The following HMGCL variants were observed in gnomAD, a reference collection of about 807,000 sequenced individuals.
HMGCL encodes hydroxymethylglutaryl-CoA lyase, mitochondrial.
A neutral mutation model predicts 37.3 loss-of-function variants in HMGCL; 26 were observed. That is an observed-to-expected ratio of 0.70 (90% CI 0.51 to 0.97). HMGCL has a LOEUF of 0.97. Ranked by LOEUF, HMGCL falls within the 50% of genes least tolerant of loss-of-function variation. HMGCL has a pLI of 0.00. For missense variants in HMGCL, 379 were observed against 398.1 expected, an observed-to-expected ratio of 0.95 and a Z score of 0.41; for synonymous variants, 151 against 148.0, an observed-to-expected ratio of 1.02 and a Z score of -0.15.
rs752330683 is a variant in HMGCL, at chr1:23,807,154, C to T, written c.750+981G>A. On this transcript the variant is annotated intron_variant, in intron 7 of 8. Transcript: ENST00000374490. Reference sequence around the variant, plus strand: ...GGATGAAGTTTTGCCTCAGACTCACCTCAGCTGTGCAGAATTCCCCTTTAC... The same window carrying T: ...GGATGAAGTTTTGCCTCAGACTCACTTCAGCTGTGCAGAATTCCCCTTTAC... 3 of 519,050 alleles carry T rather than the reference C, an allele frequency of 5.8e-6. No homozygotes were observed. In the Admixed American group the frequency reaches 5.8e-5, roughly 10 times the overall value. The allele number at this position is 519,050 out of a possible 1,614,324, so 32.2% of individuals were successfully genotyped here.
rs369514739 is a variant in HMGCL, at chr1:23,802,174, C to A, written c.*289G>T. ...CTCAAGGATCATGCTAAGTAGGGAACGGGGTTCCCACACGTCCTCAGGCAT... is the reference window on the plus strand; with the variant it reads ...CTCAAGGATCATGCTAAGTAGGGAAAGGGGTTCCCACACGTCCTCAGGCAT... On this transcript the variant is annotated 3_prime_UTR_variant, in exon 9 of 9. Transcript: ENST00000374490. 535 of 593,222 alleles carry A rather than the reference C, an allele frequency of 9.0e-4. 4 individuals are homozygous for A. In the South Asian group the frequency reaches 9.8e-3, roughly 11 times the overall value. 36.7% of individuals were successfully genotyped at this position (593,222 alleles called of 1,614,324 possible). A position where few individuals can be genotyped will look rare whatever the true frequency, so the allele number is the denominator to read the frequency against.
chr1:23,812,829 T>C (rs571920149), intron 5 of HMGCL, among the ~76,000 whole-genome samples: 1 of 152,280 alleles, frequency 6.6e-6, no homozygotes, highest in Non-Finnish European at 1.5e-5. Flanking sequence ...CTGCACTTGA[T>C]TAGTCACTGA....
In HMGCL at chr1:23,825,396, G is replaced by A. The variant is rs754437215; in HGVS notation, c.20C>T (p.Ala7Val). ...CAAGCCCACCAGTCGCCGCGGAAGC[G>A]CCTTCCTCATTGCTGCCATCTTGGC... MAAMRK[A>V]LPRRLVGLAS... is the part of the protein sequence containing the mutation. Residue 7 changes from alanine (A) to valine (V), a missense_variant, in exon 1 of 9, where the codon GCG becomes GTG. Ala to Val is a moderately conservative substitution (Grantham distance 64, BLOSUM62 0). Transcript: ENST00000374490. The A allele has an allele frequency of 3.8e-6, 6 of 1,560,718 alleles. No homozygotes were observed. The Admixed American group carries it at 7.6e-5, about 20-fold the overall frequency.
At chr1:23,814,750 T>G (rs1638583289) in intron 4 of HMGCL, among the ~76,000 whole-genome samples, 1 of 152,206 alleles carries the variant, frequency 6.6e-6, no homozygotes, top group African/African-American at 2.4e-5. Context: ...GTGAATGTTA[T>G]GGGTTGAATT....
chr1:23,806,580 T>C lies in HMGCL; in HGVS notation c.750+1555A>G. 4.7e-6 allele frequency: 1 copy of C among 213,364 alleles called. No individual in the cohort carries two copies. Among genetic ancestry groups the C allele is most frequent in the Non-Finnish European group, 9.6e-6 (1 of 103,642 alleles). The allele number at this position is 213,364 out of a possible 1,614,324, so 13.2% of individuals were successfully genotyped here. On this transcript the variant is annotated intron_variant, in intron 7 of 8. Transcript: ENST00000374490. The surrounding 1 kb of genome is among the most constrained non-coding windows in gnomAD (Gnocchi z 4.0). ...CTTCCCTCAGGTCTCTCTCAAATGC[T>C]ACCTTCTGAGTGAGGCCACTCTACA...
intron 1 of HMGCL, 75 bp downstream of exon 1, chr1:23,825,281 A>T: frequency 7.9e-7 from 1 of 1,268,990 alleles, no homozygotes; most frequent in Non-Finnish European, 1.1e-6. Flanking sequence ...GAGAGCAGTC[A>T]CCACGGGCCA....
rs190619193 is a variant in HMGCL, at chr1:23,807,778, T to C, written c.750+357A>G. On this transcript the variant is annotated intron_variant, in intron 7 of 8. Transcript: ENST00000374490. ...TGCAATTCTGCCTAGTCATCTTTCC[T>C]CTTCCCTCAACAGCAGCTTACTTTA... Among the ~76,000 whole-genome samples, 25 of 152,302 alleles carry C rather than the reference T, an allele frequency of 1.6e-4. No homozygotes were observed. The East Asian group carries it at 4.8e-3, about 29-fold the overall frequency.
intron 2 of HMGCL, among the ~76,000 whole-genome samples, chr1:23,818,910 G>C (rs1199012610): frequency 1.4e-5 from 2 of 142,292 alleles, no homozygotes; most frequent in Non-Finnish European, 3.0e-5. Flanking sequence ...GGATATAGCA[G>C]TAAGCAGAAG....
At position 23,816,710 on chromosome 1, in the gene HMGCL, C is replaced by G; in HGVS notation, c.313G>C (p.Val105Leu). Residue 105 changes from valine (V) to leucine (L), a missense_variant, in exon 4 of 9, where the codon GTC becomes CTC. Physicochemically the swap from Val to Leu is conservative, Grantham distance 32. Coordinates refer to ENST00000374490, the MANE Select transcript of HMGCL (RefSeq NM_000191.3). Reference sequence around the variant, plus strand: ...AAGCCTTTCAAATTTGGGGTCAGGACTGGGTAGTTGATGCCAGGAAACTTC... The same window carrying G: ...AAGCCTTTCAAATTTGGGGTCAGGAGTGGGTAGTTGATGCCAGGAAACTTC... ...IQKFPGINYP[V>L]LTPNLKGFEA... 1 of 1,613,648 alleles carries G rather than the reference C, an allele frequency of 6.2e-7. No homozygotes were observed. Among genetic ancestry groups the G allele is most frequent in the Non-Finnish European group, 8.5e-7 (1 of 1,179,538 alleles).
Position 23,808,312 on chromosome 1 carries a change from C to G in HMGCL, c.573G>C (p.Lys191Asn), listed in dbSNP as rs1638450573. 1.2e-6 allele frequency: 2 copies of G among 1,613,908 alleles called. No individual in the cohort carries two copies. The highest frequency in any genetic ancestry group is 1.6e-4 in the Middle Eastern group (1 of 6,084). The change falls in exon 7 of 9, where the codon AAG (lysine) becomes AAC (asparagine). Residue 191 changes from lysine (K) to asparagine (N), a missense_variant. By Grantham distance (94) the Lys-to-Asn change is moderately conservative. Coordinates refer to ENST00000374490, the MANE Select transcript of HMGCL (RefSeq NM_000191.3). ...TCTCGTAGCAGCCCATTGAGTAGAA[C>G]TTCTTGGTGACCTAAGGAAGCAAGC... ...SPAKVAEVTKKFYSMGCYEIS... is the reference protein window; with the variant it reads ...SPAKVAEVTKNFYSMGCYEIS...
At chr1:23,811,201 C>A (rs1279963879) in intron 5 of HMGCL, among the ~76,000 whole-genome samples, 3 of 152,284 alleles carry the variant, frequency 2.0e-5, no homozygotes, top group Middle Eastern at 3.4e-3. Flanking sequence ...AAACTCAGAA[C>A]AAGAGCTGAG....
At chr1:23,814,375 C>A (rs372609186) in intron 4 of HMGCL, 37 bp from the exon 5 acceptor site, 65 of 1,609,760 alleles carry the variant, frequency 4.0e-5, no homozygotes, top group Non-Finnish European at 5.3e-5. Context: ...CAGCACTTTT[C>A]TCTTTTTTTG....
intron 4 of HMGCL, among the ~76,000 whole-genome samples, chr1:23,815,266 TG>T (rs1638592132): frequency 6.6e-6 from 1 of 151,106 alleles, no homozygotes; most frequent in South Asian, 2.1e-4. Context: ...AAGGTGGCCC[TG>T]GGAAAACGGA....
rs1156925393 is a variant in HMGCL at position 23,814,343 on chromosome 1, C to T, written c.349-5G>A. 2.5e-6 allele frequency: 4 copies of T among 1,612,888 alleles called. No homozygotes were observed. Among genetic ancestry groups the T allele is most frequent in the Non-Finnish European group, 2.5e-6 (3 of 1,179,878 alleles). ...TTCCTTGGCTCCAGCAGCAACCTGC[C>T]AACATCCAGGTGAACTCCTTTCAGC... On this transcript the variant is annotated splice_polypyrimidine_tract_variant and splice_region_variant and intron_variant, in intron 4 of 8. Coordinates refer to ENST00000374490, the MANE Select transcript of HMGCL (RefSeq NM_000191.3).
At chr1:23,805,132 A>C (rs946301772) in intron 7 of HMGCL, among the ~76,000 whole-genome samples, 7 of 151,970 alleles carry the variant, frequency 4.6e-5, no homozygotes, top group Non-Finnish European at 1.0e-4. Context: ...ACCTGCCTAC[A>C]TCTGGGCCTA....
rs1373071816 is a variant in HMGCL, at chr1:23,818,359, G to A, written c.145-776C>T. Among the ~76,000 whole-genome samples, 3 of 152,178 alleles carry A rather than the reference G, an allele frequency of 2.0e-5. No homozygotes were observed. In the East Asian group the frequency reaches 5.8e-4, roughly 29 times the overall value. On this transcript the variant is annotated intron_variant, in intron 2 of 8. Coordinates refer to ENST00000374490, the MANE Select transcript of HMGCL (RefSeq NM_000191.3). ...CTGTGATCCAGCTACTCAGGAGGCT[G>A]AGGTGGATCACTGGAGCCTGGGAAG...
rs560377169 is a variant in HMGCL at position 23,805,866 on chromosome 1, G to T, written c.751-1341C>A. On this transcript the variant is annotated intron_variant, in intron 7 of 8. Transcript: ENST00000374490. ...TCTGCCCTCCAGGCCTCCTTGCCAT[G>T]TCTCTCACCTGGATTGCTGTAGGCT... 2.0e-5 allele frequency among the ~76,000 whole-genome samples: 3 copies of T among 151,988 alleles called. No individual in the cohort carries two copies. In the South Asian group the frequency reaches 6.2e-4, roughly 32 times the overall value.
intron 1 of HMGCL, among the ~76,000 whole-genome samples, chr1:23,824,090 C>T (rs1437624119): frequency 3.3e-5 from 5 of 152,202 alleles, no homozygotes; most frequent in Admixed American, 2.6e-4. Context: ...CTCTGTAAAG[C>T]TCTGCTCAGA....
chr1:23,820,564 T>A lies in HMGCL; in HGVS notation c.90A>T (p.Pro30=). 1 of 1,614,148 alleles carries A rather than the reference T, an allele frequency of 6.2e-7. No individual in the cohort carries two copies. Among genetic ancestry groups the A allele is most frequent in the Non-Finnish European group, 8.5e-7 (1 of 1,179,974 alleles). The change falls in exon 2 of 9, where the codon CCA becomes CCT. Residue 30 remains proline, a synonymous_variant. Coordinates refer to ENST00000374490, the MANE Select transcript of HMGCL (RefSeq NM_000191.3). ...AVSTSSMGTL[P]KRVKIVEVGP... is the part of the protein sequence containing the mutation. ...CAACTTCCACAATTTTCACCCGCTT[T>A]GGTAAAGTGCCCATAGATGAGGTGC...
Sources: gnomAD v4.1 joint callset for allele counts (sites outside exome capture counted in the v4.1 genomes callset) on GRCh38, gnomAD v4.1.1 for gene constraint, Gnocchi (gnomAD v3.1) non-coding constraint, MANE v1.5 for transcripts, NCBI Gene and HGNC (gene_info 2026-07-23, HGNC 2026-07-21) for gene names.